The following CRYZL1 variants were observed in gnomAD, a reference collection of about 807,000 sequenced individuals.
CRYZL1 encodes the protein crystallin zeta like 1.
CRYZL1 carries 34 observed loss-of-function variants against 50.6 expected under a neutral mutation model. The observed-to-expected ratio is 0.67, with a 90% confidence interval of 0.51 to 0.89. The LOEUF (loss-of-function observed/expected upper bound fraction) is 0.89. Among genes scored for constraint, CRYZL1 ranks in the 40% least tolerant of loss-of-function variants. CRYZL1 has a pLI of 0.00. For synonymous variants in CRYZL1, 125 were observed against 134.3 expected (o/e 0.93, Z 0.48); for missense variants, 354 against 402.3 (o/e 0.88, Z 1.03).
At chr21:33,601,094 G>A (rs1334937742) in intron 8 of CRYZL1, among the ~76,000 whole-genome samples, 1 of 150,942 alleles carries the variant, frequency 6.6e-6, no homozygotes, top group Non-Finnish European at 1.5e-5. Flanking sequence ...CTGCCACCAC[G>A]CCCAGCTAAT....
chr21:33,596,866 TC>T (rs1447874139), intron 10 of CRYZL1, among the ~76,000 whole-genome samples: 6 of 151,350 alleles, frequency 4.0e-5, no homozygotes, highest in Admixed American at 6.6e-5. Flanking sequence ...CAGATTTTTT[TC>T]TTTTTTTTTT....
rs111525570 is a variant in CRYZL1 at position 33,611,044 on chromosome 21, T to C, written c.331+2494A>G. ...CCGCGCCCAGCCAATTGTTGTTGTT[T>C]TTAATAATTTATCTTCTATAGCAAT... On this transcript the variant is annotated intron_variant, in intron 6 of 12. Coordinates refer to ENST00000381554, the MANE Select transcript of CRYZL1 (RefSeq NM_145858.3). 4.1e-3 allele frequency among the ~76,000 whole-genome samples: 631 copies of C among 152,252 alleles called. 8 individuals are homozygous for C. The highest frequency in any genetic ancestry group is 0.015 in the African/African-American group (607 of 41,526).
intron 6 of CRYZL1, among the ~76,000 whole-genome samples, chr21:33,607,449 G>A (rs1460062597): frequency 6.6e-6 from 1 of 152,024 alleles, no homozygotes; most frequent in African/African-American, 2.4e-5. Context: ...GACCAGCCTG[G>A]GCAACATGGC....
Position 33,616,768 on chromosome 21 carries a change from T to C in CRYZL1, c.218-18A>G. On this transcript the variant is annotated intron_variant, in intron 4 of 12. Transcript: ENST00000381554. ...GCTTCCAACTAAAGAGTGAAGAAAATTAATAGTTAATATTACAAGTTTATT... is the reference window on the plus strand; with the variant it reads ...GCTTCCAACTAAAGAGTGAAGAAAACTAATAGTTAATATTACAAGTTTATT... 2 of 1,560,484 alleles carry C rather than the reference T, an allele frequency of 1.3e-6. No individual in the cohort carries two copies. Among genetic ancestry groups the C allele is most frequent in the Non-Finnish European group, 1.7e-6 (2 of 1,144,746 alleles).
At chr21:33,599,933 T>G (rs1212802058) in intron 8 of CRYZL1, among the ~76,000 whole-genome samples, 1 of 152,058 alleles carries the variant, frequency 6.6e-6, no homozygotes, top group African/African-American at 2.4e-5. Flanking sequence ...CACCCCCAGC[T>G]AGATTAAGTA....
intron 8 of CRYZL1, among the ~76,000 whole-genome samples, 177 bp downstream of exon 8, chr21:33,602,057 C>T (rs2086762530): frequency 6.8e-6 from 1 of 147,180 alleles, no homozygotes; most frequent in Non-Finnish European, 1.5e-5. Context: ...TCAGGCTGGT[C>T]TCAAACTCCT....
Position 33,605,680 on chromosome 21 carries a change from C to A in CRYZL1, c.332-2143G>T, listed in dbSNP as rs536023441. ...GGGATTACAGGTGCACACCACCAGG[C>A]CTGGCTAATTTTTGTATTTTTTTAG... On this transcript the variant is annotated intron_variant, in intron 6 of 12. Transcript: ENST00000381554. Among the ~76,000 whole-genome samples the A allele has an allele frequency of 2.4e-3, 371 of 151,542 alleles. 1 individual carries two copies. Among genetic ancestry groups the A allele is most frequent in the African/African-American group, 7.9e-3 (328 of 41,306 alleles).
intron 8 of CRYZL1, among the ~76,000 whole-genome samples, chr21:33,600,987 A>C (rs1486665548): frequency 8.5e-6 from 1 of 118,050 alleles, no homozygotes; most frequent in Non-Finnish European, 1.6e-5. Flanking sequence ...CCCAGGCTGG[A>C]GTGCACTGAC....
At chr21:33,605,684 G>C (rs1489511454) in intron 6 of CRYZL1, among the ~76,000 whole-genome samples, 1 of 151,240 alleles carries the variant, frequency 6.6e-6, no homozygotes, top group African/African-American at 2.4e-5. Flanking sequence ...ACCAGGCCTG[G>C]CTAATTTTTG....
At chr21:33,597,203 C>T in intron 10 of CRYZL1, 77 bp downstream of exon 10, 4 of 1,439,114 alleles carry the variant, frequency 2.8e-6, no homozygotes, top group Non-Finnish European at 3.9e-6. Context: ...TACCTTGCCT[C>T]AAATAACTTA....
At chr21:33,592,107 T>G (rs2086650013) in intron 11 of CRYZL1, among the ~76,000 whole-genome samples, 1 of 150,748 alleles carries the variant, frequency 6.6e-6, no homozygotes, top group Non-Finnish European at 1.5e-5. Context: ...CTATTTTTTT[T>G]GTTTTTTTTA....
intron 5 of CRYZL1, among the ~76,000 whole-genome samples, chr21:33,615,529 T>C (rs756804090): frequency 3.3e-5 from 5 of 152,170 alleles, no homozygotes; most frequent in South Asian, 2.1e-4. Context: ...AATGAAAATT[T>C]CAAGGATTAC....
intron 1 of CRYZL1, chr21:33,639,609 T>C (rs1258223230): frequency 6.6e-6 from 1 of 152,222 alleles, no homozygotes; most frequent in East Asian, 1.9e-4. Context: ...TTCCACCTAC[T>C]AACATTATTG....
chr21:33,624,275 A>G lies in CRYZL1; in HGVS notation c.144+408T>C, dbSNP rs1172447442. Among the ~76,000 whole-genome samples the G allele has an allele frequency of 3.9e-5, 6 of 152,330 alleles. No individual in the cohort carries two copies. The East Asian group carries it at 1.2e-3, about 29-fold the overall frequency. ...ATTCTAAAGATGGTAGGCTGGGCGC[A>G]GTGGCTCATGCCTGGAATCCCAGCA... On this transcript the variant is annotated intron_variant, in intron 3 of 12. Transcript: ENST00000381554.
rs974900391 is a variant in CRYZL1 at position 33,615,229 on chromosome 21, T to C, written c.262+1477A>G. 5.3e-5 allele frequency among the ~76,000 whole-genome samples: 8 copies of C among 150,148 alleles called. 1 individual carries two copies. Among genetic ancestry groups the C allele is most frequent in the Admixed American group, 3.3e-4 (5 of 14,964 alleles). ...GTACAGTGGTGTGATCATGGCTCAC[T>C]GCATCCTCAAACTTCCAGGCTCAGG... On this transcript the variant is annotated intron_variant, in intron 5 of 12. Coordinates refer to ENST00000381554, the MANE Select transcript of CRYZL1 (RefSeq NM_145858.3).
chr21:33,629,535 T>C (rs974587817), intron 2 of CRYZL1, among the ~76,000 whole-genome samples: 1 of 152,250 alleles, frequency 6.6e-6, no homozygotes, highest in Non-Finnish European at 1.5e-5. Context: ...AGTGCTGGGA[T>C]TACAGGCGTG....
At chr21:33,610,857 G>A (rs904255065) in intron 6 of CRYZL1, among the ~76,000 whole-genome samples, 11 of 147,316 alleles carry the variant, frequency 7.5e-5, no homozygotes, top group South Asian at 2.2e-4. Context: ...TCAGCCTCCC[G>A]AGTAGCTGGG....
At chr21:33,612,350 C>T (rs2086881027) in intron 6 of CRYZL1, among the ~76,000 whole-genome samples, 1 of 150,910 alleles carries the variant, frequency 6.6e-6, no homozygotes, top group African/African-American at 2.4e-5. Context: ...GCAGTGGTGC[C>T]ATCTCGGCTC....
chr21:33,626,014 C>T (rs919358476), intron 2 of CRYZL1, among the ~76,000 whole-genome samples: 14 of 151,372 alleles, frequency 9.2e-5, no homozygotes, highest in African/African-American at 3.2e-4. Flanking sequence ...AGTGCAGTGG[C>T]GCAATCTCAG....
Sources: gnomAD v4.1 joint callset for allele counts (sites outside exome capture counted in the v4.1 genomes callset) on GRCh38, gnomAD v4.1.1 for gene constraint, MANE v1.5 for transcripts, NCBI Gene and HGNC (gene_info 2026-07-23, HGNC 2026-07-21) for gene names.